The following BCL9L variants were observed in gnomAD, a reference collection of about 807,000 sequenced individuals.
BCL9L encodes B-cell CLL/lymphoma 9-like protein.
Under a neutral mutation model 99.4 loss-of-function variants are expected in BCL9L, and 19 were observed. The observed-to-expected ratio is 0.19, with a 90% CI of 0.13 to 0.28. BCL9L has a LOEUF of 0.28. BCL9L is among the 10% of genes least tolerant of loss of function. The pLI is 1.00. For synonymous variants in BCL9L, 900 were observed against 854.8 expected (o/e 1.05, Z -0.92); for missense variants, 2,023 against 2,101.6 (o/e 0.96, Z 0.73).
Position 118,898,297 on chromosome 11 carries a change from CCCTCCCACCCCCT to C in BCL9L, c.*105_*117del. 9.6e-6 allele frequency: 4 copies of C among 415,790 alleles called. No individual in the cohort carries two copies. Among genetic ancestry groups the C allele is most frequent in the Non-Finnish European group, 1.4e-5 (3 of 220,612 alleles). The allele number at this position is 415,790 out of a possible 1,614,324, so 25.8% of individuals were successfully genotyped here. ...ACAAATGCCACTCCCTACACAAGCCCCCTCCCACCCCCTCCACCCCACCCCGCGACCCAGGCCA... is the reference window on the plus strand; with the variant it reads ...ACAAATGCCACTCCCTACACAAGCCCCCACCCCACCCCGCGACCCAGGCCA... On this transcript the variant is annotated 3_prime_UTR_variant, in exon 10 of 10. Transcript: ENST00000683865.
In BCL9L at chr11:118,898,258, C is replaced by A. The variant is rs1476474554; in HGVS notation, c.*157G>T. ...CTGCCACTTCCCCCTAAGCTGCCAG[C>A]ACATCTGGTTTCCACAAATGCCACT... On this transcript the variant is annotated 3_prime_UTR_variant, in exon 10 of 10. Transcript: ENST00000683865. 2.9e-6 allele frequency: 3 copies of A among 1,045,440 alleles called. No individual in the cohort carries two copies. Among genetic ancestry groups the A allele is most frequent in the Non-Finnish European group, 4.0e-6 (3 of 747,110 alleles). The allele number at this position is 1,045,440 out of a possible 1,614,324, so 64.8% of individuals were successfully genotyped here. A position where few individuals can be genotyped will look rare whatever the true frequency, so the allele number is the denominator to read the frequency against.
Position 118,905,030 on chromosome 11 carries a change from T to C in BCL9L, c.533-1578A>G, listed in dbSNP as rs79178469. 7.1e-3 allele frequency among the ~76,000 whole-genome samples: 1,077 copies of C among 152,302 alleles called. 11 individuals carry two copies. Among genetic ancestry groups the C allele is most frequent in the African/African-American group, 0.024 (1,001 of 41,554 alleles). ...CAATGATAAAAGCTAACATGTTACA[T>C]GTATAACCTCATTTACTCCTCATAC... On this transcript the variant is annotated intron_variant, in intron 5 of 9. Coordinates refer to ENST00000683865, the MANE Select transcript of BCL9L (RefSeq NM_001378213.1).
intron 2 of BCL9L, among the ~76,000 whole-genome samples, chr11:118,912,698 C>T (rs1438555688): frequency 6.6e-6 from 1 of 152,164 alleles, no homozygotes; most frequent in Non-Finnish European, 1.5e-5. Context: ...CTAGCTGCCC[C>T]CACGTTGGGA....
chr11:118,900,209 G>C lies in BCL9L; in HGVS notation c.3125-11C>G, dbSNP rs113090833. On this transcript the variant is annotated splice_polypyrimidine_tract_variant and intron_variant, in intron 8 of 9. Transcript: ENST00000683865. This position sits in a 1 kb window ranked among gnomAD's most constrained non-coding sequence, Gnocchi z 5.3. Reference sequence around the variant, plus strand: ...TAGGCGGGAGGGTACCTACAGAAACGGGGAGACAAAGAGAGCAGGGGTGAC... The same window carrying C: ...TAGGCGGGAGGGTACCTACAGAAACCGGGAGACAAAGAGAGCAGGGGTGAC... 1.4e-4 allele frequency: 221 copies of C among 1,581,570 alleles called. 1 individual carries two copies. The African/African-American group carries it at 2.2e-3, about 16-fold the overall frequency.
chr11:118,900,289 A>G lies in BCL9L; in HGVS notation c.3125-91T>C. 7.4e-7 allele frequency: 1 copy of G among 1,355,116 alleles called. No individual in the cohort carries two copies. The highest frequency in any genetic ancestry group is 9.8e-7 in the Non-Finnish European group (1 of 1,016,164). The allele number at this position is 1,355,116 out of a possible 1,614,324, so 83.9% of individuals were successfully genotyped here. ...ATATGGGGAGGTTTAGGAAGCGGTC[A>G]GTTCCCCAAATCACCTGGTCCTTCA... On this transcript the variant is annotated intron_variant, in intron 8 of 9. Transcript: ENST00000683865. The surrounding 1 kb of genome is among the most constrained non-coding windows in gnomAD (Gnocchi z 5.3).
In BCL9L at chr11:118,900,233, A is replaced by T. The variant is rs1340368832; in HGVS notation, c.3125-35T>A. 6.5e-7 allele frequency: 1 copy of T among 1,543,096 alleles called. No homozygotes were observed. The highest frequency in any genetic ancestry group is 1.4e-5 in the African/African-American group (1 of 73,236). ...CGGGGAGACAAAGAGAGCAGGGGTG[A>T]CTGGGGAGGGGCAGATGAGTTTGGC... is the stretch of plus-strand genomic sequence containing the variant. On this transcript the variant is annotated intron_variant, in intron 8 of 9. Transcript: ENST00000683865. The surrounding 1 kb of genome is among the most constrained non-coding windows in gnomAD (Gnocchi z 5.3).
At position 118,903,360 on chromosome 11, in the gene BCL9L, C is replaced by T. The variant is rs149904706; in HGVS notation, c.625G>A (p.Ala209Thr). 20 of 1,604,892 alleles carry T rather than the reference C, an allele frequency of 1.2e-5. No homozygotes were observed. Among genetic ancestry groups the T allele is most frequent in the Middle Eastern group, 1.9e-4 (1 of 5,264 alleles). Residue 209 changes from alanine (A) to threonine (T), a missense_variant, in exon 6 of 10, where the codon GCC becomes ACC. By Grantham distance (58) the Ala-to-Thr change is moderately conservative. Transcript: ENST00000683865. This position sits in a 1 kb window ranked among gnomAD's most constrained non-coding sequence, Gnocchi z 5.6. ...AGGCCAGGAGGAGGGCCGTGCGGGGCGCCTGGCACGCTGCTCTCGCTGAGG... is the reference window on the plus strand; with the variant it reads ...AGGCCAGGAGGAGGGCCGTGCGGGGTGCCTGGCACGCTGCTCTCGCTGAGG... ...LPLSESSVPG[A>T]PHGPPPGLRP...
chr11:118,904,302 A>G (rs970098245), intron 5 of BCL9L, among the ~76,000 whole-genome samples: 2 of 152,094 alleles, frequency 1.3e-5, no homozygotes, highest in Non-Finnish European at 2.9e-5. Context: ...TTAACTGGGC[A>G]TGGTGGCGCA....
rs1375210257 is a variant in BCL9L, at chr11:118,899,603, C to G, written c.3407-95G>C. ...TTCCCCACTCCCAAGCCAGGGGGTG[C>G]CAGAGGTCAAAGTCTTCACCACTGG... On this transcript the variant is annotated intron_variant, in intron 9 of 9. Transcript: ENST00000683865. 4.1e-6 allele frequency: 6 copies of G among 1,479,264 alleles called. No individual in the cohort carries two copies. The African/African-American group carries it at 6.9e-5, about 17-fold the overall frequency. 91.6% of individuals were successfully genotyped at this position (1,479,264 alleles called of 1,614,324 possible). A position where few individuals can be genotyped will look rare whatever the true frequency, so the allele number is the denominator to read the frequency against.
rs58702296 is a variant in BCL9L at position 118,914,629 on chromosome 11, A to AG, written c.-77+4196dup. Among the ~76,000 whole-genome samples, 152,320 of 152,320 alleles carry AG rather than the reference A, an allele frequency of 1. 76,160 individuals carry two copies. The highest frequency in any genetic ancestry group is 1 in the Non-Finnish European group (68,028 of 68,028). On this transcript the variant is annotated intron_variant, in intron 2 of 9. Transcript: ENST00000683865. This position sits in a 1 kb window ranked among gnomAD's most constrained non-coding sequence, Gnocchi z 4.4. ...ATGCCTGTGACCTCTGCAGGGAGAC[A>AG]GAAGGCCACACGGGGTTTCTGGTGT...
chr11:118,910,012 C>A lies in BCL9L; in HGVS notation c.-73G>T. 4 of 1,603,056 alleles carry A rather than the reference C, an allele frequency of 2.5e-6. No individual in the cohort carries two copies. Among genetic ancestry groups the A allele is most frequent in the Non-Finnish European group, 3.4e-6 (4 of 1,171,754 alleles). ...CAGCCAGGTACTCGGTACTGGAGCA[C>A]GGACTGCAGCAACAAGCCCCAAAGA... On this transcript the variant is annotated 5_prime_UTR_variant, in exon 3 of 10. Transcript: ENST00000683865.
chr11:118,907,395 C>CCT, intron 5 of BCL9L, 88 bp downstream of exon 5: 1 of 1,600,028 alleles, frequency 6.2e-7, no homozygotes, highest in Non-Finnish European at 8.5e-7. Context: ...GACTCCCAGT[C>CCT]CTCACTTCTT....
chr11:118,908,592 G>T lies in BCL9L; in HGVS notation c.90C>A (p.Cys30Ter). Reference sequence around the variant, plus strand: ...GCATTGGCTTGGCTGGGGCAGGGGGGCAATGACCGCGGGGGGACAGCGGCG... The same window carrying T: ...GCATTGGCTTGGCTGGGGCAGGGGGTCAATGACCGCGGGGGGACAGCGGCG... ...GSPPLSPRGHCPPAPAKPMHP... is the reference protein window; with the variant it reads ...GSPPLSPRGH The change falls in exon 4 of 10, where the codon TGC becomes TGA. Residue 30 changes from cysteine (C) to a stop codon, truncating the protein, a stop_gained. Coordinates refer to ENST00000683865, the MANE Select transcript of BCL9L (RefSeq NM_001378213.1). LOFTEE classifies it high-confidence loss of function. 1.2e-6 allele frequency: 2 copies of T among 1,613,530 alleles called. No individual in the cohort carries two copies. Among genetic ancestry groups the T allele is most frequent in the Non-Finnish European group, 1.7e-6 (2 of 1,179,930 alleles).
intron 1 of BCL9L, among the ~76,000 whole-genome samples, chr11:118,923,497 C>T (rs1941202021): frequency 6.6e-6 from 1 of 152,152 alleles, no homozygotes; most frequent in Non-Finnish European, 1.5e-5. Context: ...CTGTGGACTG[C>T]CAATCCCTCT....
chr11:118,911,179 C>T, intron 2 of BCL9L: 1 of 453,838 alleles, frequency 2.2e-6, no homozygotes, highest in East Asian at 7.0e-5. Context: ...GCCCTGGCTC[C>T]CCCCTCGCCT....
Position 118,900,162 on chromosome 11 carries a change from G to A in BCL9L, c.3161C>T (p.Ser1054Leu), listed in dbSNP as rs150970649. The change falls in exon 9 of 10, where the codon TCA becomes TTA. Residue 1054 changes from serine to leucine, a missense_variant. By Grantham distance (145) the Ser-to-Leu change is moderately radical. Around this residue, in one of 3 missense-constraint regions of BCL9L, gnomAD observed 902 missense variants for 888.2 expected, o/e 1.02. Transcript: ENST00000683865. This position sits in a 1 kb window ranked among gnomAD's most constrained non-coding sequence, Gnocchi z 5.3. ...GCTGGGAGGGTTGGCGGGAGGTGCTGAGGAGCTGCTCCGGGGGCCGCTAGG... is the reference window on the plus strand; with the variant it reads ...GCTGGGAGGGTTGGCGGGAGGTGCTAAGGAGCTGCTCCGGGGGCCGCTAGG... Reference protein sequence around the residue: ...LPPSGPRSSSSAPPANPPSGL... With the variant: ...LPPSGPRSSSLAPPANPPSGL... 5.3e-5 allele frequency: 86 copies of A among 1,610,352 alleles called. No individual in the cohort carries two copies. In the African/African-American group the frequency reaches 1.1e-3, roughly 21 times the overall value.
Position 118,900,988 on chromosome 11 carries a change from T to A in BCL9L, c.2755A>T (p.Ile919Phe). ...GGTGAGCCCATCTGATTAATACTGA[T>A]GGTGAGGTCCGAAGGCCGCCTGCCT... The part of the protein sequence containing the change: ...GLGRRPSDLT[I>F]SINQMGSPGM... The change falls in exon 8 of 10, where the codon ATC (isoleucine) becomes TTC (phenylalanine). Residue 919 changes from isoleucine (I) to phenylalanine (F), a missense_variant. Ile to Phe is a conservative substitution (Grantham distance 21). Transcript: ENST00000683865. The surrounding 1 kb of genome is among the most constrained non-coding windows in gnomAD (Gnocchi z 5.3). 6.4e-7 allele frequency: 1 copy of A among 1,553,250 alleles called. No homozygotes were observed. The highest frequency in any genetic ancestry group is 8.7e-7 in the Non-Finnish European group (1 of 1,148,628).
intron 2 of BCL9L, chr11:118,911,115 A>G: frequency 9.8e-6 from 4 of 409,838 alleles, no homozygotes; most frequent in South Asian, 1.7e-5. Context: ...GCACAGGGCC[A>G]TAGATACAGC....
chr11:118,904,449 T>A (rs1381946585), intron 5 of BCL9L, among the ~76,000 whole-genome samples: 2 of 151,740 alleles, frequency 1.3e-5, no homozygotes, highest in African/African-American at 2.4e-5. Flanking sequence ...AAAAAATAAA[T>A]AAATAAATAA....
Sources: allele counts gnomAD v4.1 joint callset (sites outside exome capture counted in the v4.1 genomes callset), GRCh38; gene constraint gnomAD v4.1.1; regional missense constraint gnomAD v4.1.1; non-coding constraint Gnocchi (gnomAD v3.1); transcripts MANE v1.5; gene names NCBI Gene and HGNC (gene_info 2026-07-23, HGNC 2026-07-21).